ADGRL3: variants seen among roughly 807,000 people sequenced by gnomAD.
ADGRL3 encodes calcium-independent alpha-latrotoxin receptor 3.
Under a neutral mutation model 153.5 loss-of-function variants are expected in ADGRL3, and 62 were observed. The ratio of observed to expected loss-of-function variants is 0.40; its 90% confidence interval spans 0.33 to 0.50. The LOEUF (loss-of-function observed/expected upper bound fraction) is 0.50, where lower values mean the gene tolerates loss of function less well. Among genes scored for constraint, ADGRL3 ranks in the 20% least tolerant of loss-of-function variants. The pLI is 0.47. For synonymous variants in ADGRL3, 710 were observed against 672.5 expected, an observed-to-expected ratio of 1.06 and a Z score of -0.86; for missense variants, 1,641 against 1,859.4, an observed-to-expected ratio of 0.88 and a Z score of 2.16.
chr4:61,709,846 G>A (rs192604799), intron 6 of ADGRL3, among the ~76,000 whole-genome samples: 1 of 152,162 alleles, frequency 6.6e-6, no homozygotes, highest in East Asian at 1.9e-4. Context: ...TAGTACTTTG[G>A]CATGGAGGAT....
intron 1 of ADGRL3, among the ~76,000 whole-genome samples, chr4:61,230,416 G>C (rs528009339): frequency 7.9e-5 from 12 of 152,302 alleles, no homozygotes; most frequent in Admixed American, 3.3e-4. Context: ...TTCTGACTTA[G>C]TAATGTGGAG....
intron 2 of ADGRL3, among the ~76,000 whole-genome samples, chr4:61,433,990 T>C (rs1390307089): frequency 6.6e-6 from 1 of 152,138 alleles, no homozygotes; most frequent in Non-Finnish European, 1.5e-5. Context: ...TTCCAAAATA[T>C]GTCTTAAATG....
intron 19 of ADGRL3, among the ~76,000 whole-genome samples, chr4:61,984,312 T>C (rs2099078341): frequency 6.6e-6 from 1 of 152,016 alleles, no homozygotes; most frequent in Non-Finnish European, 1.5e-5. Context: ...GACTAAAAAA[T>C]ACAAGTAGAG....
At chr4:61,777,512 TCA>T (rs1449866848) in intron 8 of ADGRL3, among the ~76,000 whole-genome samples, 1 of 152,222 alleles carries the variant, frequency 6.6e-6, no homozygotes, top group Non-Finnish European at 1.5e-5. Context: ...GTGAATATAT[TCA>T]GTCTTTGAAA....
At chr4:61,707,833 A>G (rs544824564) in intron 6 of ADGRL3, among the ~76,000 whole-genome samples, 1 of 152,230 alleles carries the variant, frequency 6.6e-6, no homozygotes, top group South Asian at 2.1e-4. Flanking sequence ...TGATAGGCCC[A>G]TATGTGCTTG....
At chr4:61,755,154 A>G (rs370926153) in intron 8 of ADGRL3, among the ~76,000 whole-genome samples, 21 of 152,312 alleles carry the variant, frequency 1.4e-4, no homozygotes, top group South Asian at 1.2e-3. Context: ...TGGCTGGGTC[A>G]AATGGTATTT....
chr4:61,400,133 T>A (rs2096912387), intron 2 of ADGRL3, among the ~76,000 whole-genome samples: 1 of 151,684 alleles, frequency 6.6e-6, no homozygotes, highest in Non-Finnish European at 1.5e-5. Flanking sequence ...TTCAGTTGAG[T>A]TTTTAAACTG....
intron 8 of ADGRL3, among the ~76,000 whole-genome samples, chr4:61,792,874 C>G (rs1424942312): frequency 6.6e-6 from 1 of 151,832 alleles, no homozygotes; most frequent in East Asian, 1.9e-4. Flanking sequence ...TGCTTCCATA[C>G]TTTCAGGTAT....
chr4:61,528,627 G>A (rs79269424), intron 4 of ADGRL3, among the ~76,000 whole-genome samples: 2,774 of 152,198 alleles, frequency 0.018, 85 homozygotes, highest in African/African-American at 0.063. Context: ...AGAGACCAAG[G>A]TGCCATAATT....
rs752724765 is a variant in ADGRL3, at chr4:61,653,130, C to CCT, written c.474-23677_474-23676dup. Among the ~76,000 whole-genome samples the CCT allele has an allele frequency of 8.9e-3, 1,236 of 139,228 alleles. 17 individuals are homozygous for CCT. Among genetic ancestry groups the CCT allele is most frequent in the African/African-American group, 0.03 (1,130 of 37,656 alleles). 91.3% of individuals were successfully genotyped at this position (139,228 alleles called of 152,430 possible). Reference sequence around the variant, plus strand: ...GCCTTATAAGAAGAGAAAGAGAAAGCCTCTCTCTCTCTCTCTCTCTGTCTC... The same window carrying CCT: ...GCCTTATAAGAAGAGAAAGAGAAAGCCTCTCTCTCTCTCTCTCTCTCTGTCTC... On this transcript the variant is annotated intron_variant, in intron 5 of 26. Coordinates refer to ENST00000683033, the MANE Select transcript of ADGRL3 (RefSeq NM_001387552.1).
chr4:61,509,207 A>G (rs2098449168), intron 3 of ADGRL3, among the ~76,000 whole-genome samples: 1 of 145,630 alleles, frequency 6.9e-6, no homozygotes. Flanking sequence ...GGCTCACTGC[A>G]ACCTCCGCCT....
chr4:61,820,720 TG>T (rs1405014334), intron 9 of ADGRL3, among the ~76,000 whole-genome samples: 1 of 152,170 alleles, frequency 6.6e-6, no homozygotes, highest in African/African-American at 2.4e-5. Context: ...AAAGTGGAAA[TG>T]AAAGAAATAC....
Position 61,300,378 on chromosome 4 carries a change from T to A in ADGRL3, c.-239-82746T>A, listed in dbSNP as rs1346480932. Reference sequence around the variant, plus strand: ...AATGAATGCCAAGCTTAATGTACAATCTATTTTTTGAATAAATCATACTGG... The same window carrying A: ...AATGAATGCCAAGCTTAATGTACAAACTATTTTTTGAATAAATCATACTGG... On this transcript the variant is annotated intron_variant, in intron 1 of 26. Coordinates refer to ENST00000683033, the MANE Select transcript of ADGRL3 (RefSeq NM_001387552.1). 2.6e-5 allele frequency among the ~76,000 whole-genome samples: 4 copies of A among 152,214 alleles called. No homozygotes were observed. The South Asian group carries it at 8.3e-4, about 31-fold the overall frequency.
intron 11 of ADGRL3, among the ~76,000 whole-genome samples, chr4:61,899,246 T>G (rs904006101): frequency 6.6e-6 from 1 of 152,128 alleles, no homozygotes; most frequent in African/African-American, 2.4e-5. Context: ...ACCATCTCCT[T>G]CTCTTTCCTT....
At chr4:61,549,355 T>C (rs1021298910) in intron 4 of ADGRL3, among the ~76,000 whole-genome samples, 2 of 152,070 alleles carry the variant, frequency 1.3e-5, no homozygotes, top group Non-Finnish European at 2.9e-5. Context: ...CAGTACTCTG[T>C]TGAATGGGAT....
At position 61,710,130 on chromosome 4, in the gene ADGRL3, G is replaced by A. The variant is rs150033885; in HGVS notation, c.584-20492G>A. 5.1e-3 allele frequency among the ~76,000 whole-genome samples: 780 copies of A among 152,198 alleles called. 8 individuals carry two copies. The highest frequency in any genetic ancestry group is 0.015 in the African/African-American group (603 of 41,532). Reference sequence around the variant, plus strand: ...CATCTTATCCAGATAGTTAAACCACGGCTTTAAACGCAGTTCTGAAGTCTG... The same window carrying A: ...CATCTTATCCAGATAGTTAAACCACAGCTTTAAACGCAGTTCTGAAGTCTG... On this transcript the variant is annotated intron_variant, in intron 6 of 26. Coordinates refer to ENST00000683033, the MANE Select transcript of ADGRL3 (RefSeq NM_001387552.1).
chr4:61,424,725 A>G (rs2097255448), intron 2 of ADGRL3, among the ~76,000 whole-genome samples: 1 of 152,156 alleles, frequency 6.6e-6, no homozygotes, highest in South Asian at 2.1e-4. Flanking sequence ...TGGTTTGATC[A>G]ACCTCATTGG....
chr4:61,319,383 T>A (rs2095307267), intron 1 of ADGRL3, among the ~76,000 whole-genome samples: 1 of 152,204 alleles, frequency 6.6e-6, no homozygotes. Context: ...AAAGCTTTGG[T>A]TATCTTTTAT....
At chr4:61,978,768 A>C (rs918897744) in intron 17 of ADGRL3, among the ~76,000 whole-genome samples, 7 of 152,198 alleles carry the variant, frequency 4.6e-5, no homozygotes, top group African/African-American at 1.7e-4. Context: ...GTTTCAGTAC[A>C]GTTCGTGAAC....
Sources: allele counts gnomAD v4.1 joint callset (sites outside exome capture counted in the v4.1 genomes callset), GRCh38; gene constraint gnomAD v4.1.1; transcripts MANE v1.5; gene names NCBI Gene and HGNC (gene_info 2026-07-23, HGNC 2026-07-21).